The following SYT10 variants were observed in gnomAD, a reference collection of about 807,000 sequenced individuals.
SYT10 encodes synaptotagmin-10.
Under a neutral mutation model 51.1 loss-of-function variants are expected in SYT10, and 31 were observed. That is an observed-to-expected ratio of 0.61 (90% CI 0.46 to 0.82). The LOEUF is 0.82. Ranked by LOEUF, SYT10 falls within the 40% of genes least tolerant of loss-of-function variation. SYT10 has a pLI of 0.00. For missense variants in SYT10, 603 were observed against 634.0 expected, an observed-to-expected ratio of 0.95 and a Z score of 0.53; for synonymous variants, 233 against 225.9, an observed-to-expected ratio of 1.03 and a Z score of -0.28.
In SYT10 at chr12:33,382,485, G is replaced by A. The variant is rs201113274; in HGVS notation, c.1234C>T (p.Arg412Ter). Residue 412 changes from arginine (R) to a stop codon, truncating the protein, a stop_gained, in exon 5 of 7, where the codon CGA (arginine) becomes TGA (stop). Transcript: ENST00000228567. LOFTEE classifies it high-confidence loss of function. The part of the protein sequence containing the change: ...YVKVSLMCEG[R>*]RLKKRKTTTK... Reference sequence around the variant, plus strand: ...GTTGTTTTCCTCTTTTTTAATCTTCGACCTTCACACATCAGGGACACTTTG... The same window carrying A: ...GTTGTTTTCCTCTTTTTTAATCTTCAACCTTCACACATCAGGGACACTTTG... 4 of 1,612,244 alleles carry A rather than the reference G, an allele frequency of 2.5e-6. No homozygotes were observed. Among genetic ancestry groups the A allele is most frequent in the Admixed American group, 3.3e-5 (2 of 59,856 alleles).
At chr12:33,388,999 A>G (rs945099891) in intron 3 of SYT10, among the ~76,000 whole-genome samples, 4 of 152,236 alleles carry the variant, frequency 2.6e-5, no homozygotes, top group Admixed American at 1.3e-4. Context: ...AGGTCTATTA[A>G]CCAAGAGAAG....
At chr12:33,378,098 G>A (rs539029261) in intron 6 of SYT10, among the ~76,000 whole-genome samples, 7 of 152,112 alleles carry the variant, frequency 4.6e-5, no homozygotes, top group South Asian at 2.1e-4. Flanking sequence ...TCCCTAGTCC[G>A]TATATTCTGT....
At chr12:33,410,671 A>G (rs1332227079) in intron 2 of SYT10, among the ~76,000 whole-genome samples, 1 of 152,232 alleles carries the variant, frequency 6.6e-6, no homozygotes, top group Non-Finnish European at 1.5e-5. Context: ...AAGAATGAGA[A>G]GCTTTAGTGT....
At chr12:33,388,779 G>A (rs1381150852) in intron 3 of SYT10, among the ~76,000 whole-genome samples, 2 of 152,048 alleles carry the variant, frequency 1.3e-5, no homozygotes, top group African/African-American at 2.4e-5. Context: ...TTTGATGATT[G>A]GCTATAGTCA....
chr12:33,382,684 G>T (rs1314540831), intron 4 of SYT10, among the ~76,000 whole-genome samples, 164 bp from the exon 5 acceptor site: 2 of 152,116 alleles, frequency 1.3e-5, no homozygotes, highest in East Asian at 3.8e-4. Context: ...AGTAATTGTA[G>T]TAAGGTTAGT....
At chr12:33,438,687 CT>C (rs1565501814) in intron 1 of SYT10, among the ~76,000 whole-genome samples, 4 of 152,208 alleles carry the variant, frequency 2.6e-5, no homozygotes, top group Non-Finnish European at 5.9e-5. Flanking sequence ...AACGTCTCCC[CT>C]CTCTTCCACT....
At chr12:33,385,596 C>A (rs1244485404) in intron 3 of SYT10, among the ~76,000 whole-genome samples, 1 of 152,172 alleles carries the variant, frequency 6.6e-6, no homozygotes, top group Non-Finnish European at 1.5e-5. Context: ...CCGCAATCAA[C>A]AAACGGCATC....
chr12:33,390,994 G>T (rs568289433), intron 3 of SYT10, among the ~76,000 whole-genome samples: 3 of 152,026 alleles, frequency 2.0e-5, no homozygotes, highest in East Asian at 1.9e-4. Flanking sequence ...GCTGGAGTGC[G>T]GGCAAGATCT....
chr12:33,418,423 A>C (rs1866473757), intron 2 of SYT10, among the ~76,000 whole-genome samples: 1 of 152,228 alleles, frequency 6.6e-6, no homozygotes, highest in African/African-American at 2.4e-5. Flanking sequence ...CATAATCTAC[A>C]TGCTGAGGAT....
At chr12:33,406,595 A>G (rs554252150) in intron 3 of SYT10, among the ~76,000 whole-genome samples, 194 bp downstream of exon 3, 3 of 152,312 alleles carry the variant, frequency 2.0e-5, no homozygotes, top group East Asian at 3.9e-4. Flanking sequence ...TATTCACACA[A>G]TCACTAGGGT....
chr12:33,376,866 T>A lies in SYT10; in HGVS notation c.1536A>T (p.Gly512=), dbSNP rs901610670. ...PGRATSFDSQ[G]SCPSPKPPST... is the part of the protein sequence containing the mutation. Reference sequence around the variant, plus strand: ...AAGGTGGTTTAGGAGAAGGGCAGGATCCTTGACTATCAAAACTGGTCGCCC... The same window carrying A: ...AAGGTGGTTTAGGAGAAGGGCAGGAACCTTGACTATCAAAACTGGTCGCCC... Residue 512 remains glycine, a synonymous_variant, in exon 7 of 7, where the codon GGA becomes GGT. Transcript: ENST00000228567. 6.2e-7 allele frequency: 1 copy of A among 1,614,084 alleles called. No individual in the cohort carries two copies. Among genetic ancestry groups the A allele is most frequent in the East Asian group, 2.2e-5 (1 of 44,868 alleles).
intron 5 of SYT10, among the ~76,000 whole-genome samples, chr12:33,380,302 A>C (rs1355302205): frequency 6.6e-6 from 1 of 152,208 alleles, no homozygotes; most frequent in African/African-American, 2.4e-5. Flanking sequence ...TATTTAATAC[A>C]AGTGATGTAA....
intron 1 of SYT10, among the ~76,000 whole-genome samples, chr12:33,433,266 AT>A (rs1565500802): frequency 6.6e-6 from 1 of 152,030 alleles, no homozygotes; most frequent in Non-Finnish European, 1.5e-5. Flanking sequence ...ATGCCCTGAG[AT>A]TTTTGAGTGG....
chr12:33,436,176 G>A (rs1414891751), intron 1 of SYT10, among the ~76,000 whole-genome samples: 2 of 152,122 alleles, frequency 1.3e-5, no homozygotes, highest in South Asian at 2.1e-4. Flanking sequence ...GGAGTAATCA[G>A]AAATTAAGCT....
At chr12:33,390,015 G>A (rs1166108475) in intron 3 of SYT10, among the ~76,000 whole-genome samples, 1 of 152,184 alleles carries the variant, frequency 6.6e-6, no homozygotes, top group African/African-American at 2.4e-5. Context: ...TGCTCAAAGA[G>A]ATGAGCTAAT....
chr12:33,378,682 ATAAGCAG>A (rs1490567529), intron 6 of SYT10, among the ~76,000 whole-genome samples: 1 of 152,236 alleles, frequency 6.6e-6, no homozygotes, highest in Non-Finnish European at 1.5e-5. Context: ...TAATTATACA[ATAAGCAG>A]TAAAGTGTAC....
At chr12:33,420,247 A>G (rs1477926782) in intron 2 of SYT10, among the ~76,000 whole-genome samples, 1 of 152,220 alleles carries the variant, frequency 6.6e-6, no homozygotes, top group Non-Finnish European at 1.5e-5. Context: ...TTATTATGGC[A>G]GAGAGTATTA....
At chr12:33,387,168 A>G (rs1306089340) in intron 3 of SYT10, among the ~76,000 whole-genome samples, 3 of 152,188 alleles carry the variant, frequency 2.0e-5, no homozygotes, top group African/African-American at 4.8e-5. Context: ...GCTTACTCAT[A>G]TAGCTCAGGT....
chr12:33,414,026 T>A (rs1471191579), intron 2 of SYT10, among the ~76,000 whole-genome samples: 1 of 151,700 alleles, frequency 6.6e-6, no homozygotes, highest in Admixed American at 6.6e-5. Flanking sequence ...AAGGCAGGGG[T>A]TGCAATCCTA....
Sources: allele counts gnomAD v4.1 joint callset (sites outside exome capture counted in the v4.1 genomes callset), GRCh38; gene constraint gnomAD v4.1.1; transcripts MANE v1.5; gene names NCBI Gene and HGNC (gene_info 2026-07-23, HGNC 2026-07-21).